Variants in GNG7 observed in about 807,000 individuals in gnomAD.
GNG7 encodes the protein G protein subunit gamma 7.
Under a neutral mutation model 4.0 loss-of-function variants are expected in GNG7, and 1 was observed. The observed-to-expected ratio is 0.25, with a 90% CI of 0.09 to 1.18. GNG7 has a LOEUF of 1.18. Ranked by LOEUF, GNG7 falls within the 50% of genes most tolerant of loss-of-function variation. The probability of loss-of-function intolerance (pLI) is 0.50; values close to 1 mark genes in which losing one functional copy is unlikely to be tolerated. For missense variants in GNG7, 86 were observed against 91.9 expected (o/e 0.94, Z 0.26); for synonymous variants, 34 against 36.9 (o/e 0.92, Z 0.29).
At chr19:2,660,824 T>C (rs1227987579) in intron 1 of GNG7, among the ~76,000 whole-genome samples, 1 of 151,682 alleles carries the variant, frequency 6.6e-6, no homozygotes, top group Non-Finnish European at 1.5e-5. Context: ...GACTTTTGCT[T>C]GTTCTTTCTT....
chr19:2,540,136 G>GTC (rs777968940), intron 3 of GNG7, among the ~76,000 whole-genome samples: 11 of 129,908 alleles, frequency 8.5e-5, no homozygotes, highest in South Asian at 2.6e-4. Flanking sequence ...CCTTCCTTCC[G>GTC]TCTCTCTCTC....
At chr19:2,530,582 T>G (rs1280630046) in intron 3 of GNG7, among the ~76,000 whole-genome samples, 1 of 150,344 alleles carries the variant, frequency 6.7e-6, no homozygotes, top group Admixed American at 6.7e-5. Flanking sequence ...TAGCTGGACG[T>G]GGTGGCGGGT....
At chr19:2,664,440 C>A (rs749803839) in intron 1 of GNG7, among the ~76,000 whole-genome samples, 4 of 152,140 alleles carry the variant, frequency 2.6e-5, no homozygotes, top group Admixed American at 6.5e-5. Flanking sequence ...TTCAGAGCCA[C>A]GAGACTGATG....
At chr19:2,667,654 C>A (rs769818211) in intron 1 of GNG7, among the ~76,000 whole-genome samples, 5 of 152,152 alleles carry the variant, frequency 3.3e-5, no homozygotes, top group Admixed American at 6.6e-5. Context: ...ATGGCTCATG[C>A]CTGTAATCCC....
chr19:2,632,891 T>C (rs1313778016), intron 2 of GNG7: 2 of 152,264 alleles, frequency 1.3e-5, no homozygotes, highest in Non-Finnish European at 2.9e-5. Context: ...CCAGCCACAG[T>C]GGGCTCTGCA....
rs369250624 is a variant in GNG7 at position 2,512,215 on chromosome 19, G to A, written c.*2807C>T. The A allele has an allele frequency of 9.1e-5, 90 of 985,826 alleles. 1 individual carries two copies. The South Asian group carries it at 3.6e-3, about 39-fold the overall frequency. 61.1% of individuals were successfully genotyped at this position (985,826 alleles called of 1,614,324 possible). A position where few individuals can be genotyped will look rare whatever the true frequency, so the allele number is the denominator to read the frequency against. On this transcript the variant is annotated 3_prime_UTR_variant, in exon 5 of 5. Transcript: ENST00000382159. This position sits in a 1 kb window ranked among gnomAD's most constrained non-coding sequence, Gnocchi z 4.7. ...GCTCCCCGTCTGGAGGTGCACGCGC[G>A]CTCCTGGAAACGCCCATAAAACATG...
chr19:2,520,584 C>T lies in GNG7; in HGVS notation c.81+24G>A, dbSNP rs118126180. The stretch of plus-strand genomic sequence containing the variant: ...GGCCCCCAAGGGTCTCTCCCCTCCT[C>T]TTCCTGATGCCCGCTGGGCTCACCT... On this transcript the variant is annotated intron_variant, in intron 4 of 4. Transcript: ENST00000382159. The T allele has an allele frequency of 5.2e-4, 747 of 1,433,384 alleles. 1 individual carries two copies. Among genetic ancestry groups the T allele is most frequent in the Non-Finnish European group, 6.8e-4 (710 of 1,039,298 alleles). 88.8% of individuals were successfully genotyped at this position (1,433,384 alleles called of 1,614,324 possible).
At chr19:2,693,872 C>A (rs1216239764) in intron 1 of GNG7, among the ~76,000 whole-genome samples, 1 of 152,096 alleles carries the variant, frequency 6.6e-6, no homozygotes. Flanking sequence ...ACAACCCCCC[C>A]AAGTCTCTAA....
At chr19:2,598,704 T>TAAA in intron 2 of GNG7, among the ~76,000 whole-genome samples, 1 of 147,478 alleles carries the variant, frequency 6.8e-6, no homozygotes, top group African/African-American at 2.5e-5. Flanking sequence ...ATAATAATAA[T>TAAA]AATAATAATA....
intron 3 of GNG7, among the ~76,000 whole-genome samples, chr19:2,553,729 C>CATATTACATGCAAT (rs1449762633): frequency 1.3e-5 from 2 of 148,400 alleles, no homozygotes; most frequent in Non-Finnish European, 3.0e-5. Context: ...CATATATGTA[C>CATATTACATGCAAT]ATATTACATG....
At chr19:2,568,115 A>G (rs1568246625) in intron 2 of GNG7, among the ~76,000 whole-genome samples, 1 of 151,702 alleles carries the variant, frequency 6.6e-6, no homozygotes, top group Non-Finnish European at 1.5e-5. Context: ...ACATGCACAT[A>G]CACACATATA....
intron 4 of GNG7, among the ~76,000 whole-genome samples, chr19:2,518,241 G>A (rs927348819): frequency 2.0e-5 from 2 of 99,018 alleles, no homozygotes; most frequent in African/African-American, 7.6e-5. Context: ...TCAAATCCTG[G>A]CTCCCCCCGA....
chr19:2,604,093 A>C (rs1032098014), intron 2 of GNG7, among the ~76,000 whole-genome samples: 1 of 151,690 alleles, frequency 6.6e-6, no homozygotes, highest in East Asian at 1.9e-4. Flanking sequence ...CTCGTGATCC[A>C]CCCGCCTCGG....
At chr19:2,566,116 C>T (rs763344405) in intron 2 of GNG7, among the ~76,000 whole-genome samples, 6 of 152,028 alleles carry the variant, frequency 3.9e-5, no homozygotes, top group Non-Finnish European at 5.9e-5. Context: ...CAAAATCGCA[C>T]CACTGCACTC....
At chr19:2,621,130 G>T (rs1981857433) in intron 2 of GNG7, among the ~76,000 whole-genome samples, 1 of 152,082 alleles carries the variant, frequency 6.6e-6, no homozygotes, top group Non-Finnish European at 1.5e-5. Context: ...CCTGAGTAAA[G>T]CTCACTTCCC....
At chr19:2,541,075 G>A (rs910095125) in intron 3 of GNG7, among the ~76,000 whole-genome samples, 4 of 152,246 alleles carry the variant, frequency 2.6e-5, no homozygotes, top group Non-Finnish European at 2.9e-5. Flanking sequence ...GGACTTTACC[G>A]AGCGGCTCCT....
chr19:2,631,368 C>T (rs1299340733), intron 2 of GNG7, among the ~76,000 whole-genome samples: 5 of 152,158 alleles, frequency 3.3e-5, no homozygotes, highest in Non-Finnish European at 5.9e-5. Context: ...TCATTCTTTC[C>T]TCACGAGTGG....
At chr19:2,539,697 G>A (rs546944207) in intron 3 of GNG7, among the ~76,000 whole-genome samples, 21 of 152,234 alleles carry the variant, frequency 1.4e-4, no homozygotes, top group African/African-American at 5.1e-4. Context: ...CCTCTGTGCT[G>A]GAGGCTGGGT....
At position 2,628,508 on chromosome 19, in the gene GNG7, G is replaced by GGTGT. The variant is rs113456900; in HGVS notation, c.-78+17712_-78+17715dup. Among the ~76,000 whole-genome samples the GGTGT allele has an allele frequency of 1.5e-3, 220 of 151,060 alleles. 2 individuals are homozygous for GGTGT. The highest frequency in any genetic ancestry group is 5.1e-3 in the African/African-American group (209 of 41,150). On this transcript the variant is annotated intron_variant, in intron 2 of 4. Coordinates refer to ENST00000382159, the MANE Select transcript of GNG7 (RefSeq NM_052847.3). The stretch of plus-strand genomic sequence containing the variant: ...CCCTTTCTCTCTTTCTTTCAACTGT[G>GGTGT]GTGTGTGTGTGTGTGTGTATATATA...
Sources: gnomAD v4.1 joint callset for allele counts (sites outside exome capture counted in the v4.1 genomes callset) on GRCh38, gnomAD v4.1.1 for gene constraint, Gnocchi (gnomAD v3.1) non-coding constraint, MANE v1.5 for transcripts, NCBI Gene and HGNC (gene_info 2026-07-23, HGNC 2026-07-21) for gene names.